IL1RAPL2: variants seen among roughly 807,000 people sequenced by gnomAD.
The protein encoded by IL1RAPL2 is interleukin 1 receptor accessory protein like 2.
Under a neutral mutation model 44.1 loss-of-function variants are expected in IL1RAPL2, and 3 were observed. The observed-to-expected ratio is 0.07, with a 90% CI of 0.03 to 0.18. The LOEUF (loss-of-function observed/expected upper bound fraction) is 0.18, where lower values mean the gene tolerates loss of function less well. IL1RAPL2 is among the 10% of genes least tolerant of loss of function. The pLI is 1.00. For missense variants in IL1RAPL2, 391 were observed against 496.4 expected (o/e 0.79, Z 2.02); for synonymous variants, 181 against 178.8 (o/e 1.01, Z -0.10).
intron 6 of IL1RAPL2, among the ~76,000 whole-genome samples, chrX:105,589,155 T>C (rs2037150357): frequency 8.9e-6 from 1 of 112,532 alleles, no homozygotes; most frequent in African/African-American, 3.2e-5. Flanking sequence ...GAGCATTTTT[T>C]CATATATTTG....
rs141692313 is a variant in IL1RAPL2 at position 105,579,784 on chromosome X, T to C, written c.772+95397T>C. Among the ~76,000 whole-genome samples, 570 of 111,779 alleles carry C rather than the reference T, an allele frequency of 5.1e-3. 4 individuals carry two copies. The highest frequency in any genetic ancestry group is 0.014 in the Middle Eastern group (3 of 215). The stretch of plus-strand genomic sequence containing the variant: ...TTCTGGCTCTATATAATACCACCTA[T>C]TATCCATTAGTCCATATTGCCCCAG... On this transcript the variant is annotated intron_variant, in intron 6 of 10. Coordinates refer to ENST00000372582, the MANE Select transcript of IL1RAPL2 (RefSeq NM_017416.2).
intron 2 of IL1RAPL2, among the ~76,000 whole-genome samples, chrX:105,194,817 C>T (rs1556139721): frequency 9.0e-6 from 1 of 111,616 alleles, no homozygotes; most frequent in Non-Finnish European, 1.9e-5. Context: ...TTGTTATTGT[C>T]ACAATTATAG....
intron 2 of IL1RAPL2, among the ~76,000 whole-genome samples, chrX:104,673,008 G>C (rs1377355828): frequency 2.7e-5 from 3 of 111,565 alleles, no homozygotes; most frequent in African/African-American, 9.8e-5. Context: ...CCCTTTGTCA[G>C]ATGAGTAGGT....
At chrX:105,337,807 T>C (rs1211643821) in intron 5 of IL1RAPL2, among the ~76,000 whole-genome samples, 2 of 110,216 alleles carry the variant, frequency 1.8e-5, no homozygotes, top group East Asian at 2.9e-4. Context: ...AGGAGAATGG[T>C]GTGAACCCAG....
chrX:104,990,494 T>G (rs763058131), intron 2 of IL1RAPL2, among the ~76,000 whole-genome samples: 19 of 111,295 alleles, frequency 1.7e-4, no homozygotes, highest in Non-Finnish European at 3.6e-4. Flanking sequence ...CAATCCTACA[T>G]TCATGCTTCT....
intron 2 of IL1RAPL2, among the ~76,000 whole-genome samples, chrX:105,080,026 A>C (rs1242226172): frequency 8.9e-6 from 1 of 111,878 alleles, no homozygotes; most frequent in Non-Finnish European, 1.9e-5. Context: ...CATATCCTTC[A>C]CCTGATCTTT....
chrX:105,316,048 C>T (rs1271295601), intron 5 of IL1RAPL2, among the ~76,000 whole-genome samples: 7 of 110,781 alleles, frequency 6.3e-5, no homozygotes, highest in East Asian at 2.9e-4. Context: ...CCAAGGACGG[C>T]GGATCACCTG....
chrX:104,927,054 A>G (rs1056415095), intron 2 of IL1RAPL2, among the ~76,000 whole-genome samples: 1 of 112,028 alleles, frequency 8.9e-6, no homozygotes, highest in Non-Finnish European at 1.9e-5. Context: ...ATAAATGAAA[A>G]CATTTACACT....
intron 2 of IL1RAPL2, among the ~76,000 whole-genome samples, chrX:105,119,880 TTAGTA>T (rs1162446733): frequency 9.0e-6 from 1 of 110,803 alleles, no homozygotes; most frequent in Non-Finnish European, 1.9e-5. Context: ...CTATAGTAAT[TTAGTA>T]TAGTAATTAA....
At chrX:104,903,118 C>A (rs1268165942) in intron 2 of IL1RAPL2, among the ~76,000 whole-genome samples, 1 of 111,560 alleles carries the variant, frequency 9.0e-6, no homozygotes, top group Admixed American at 9.6e-5. Flanking sequence ...ATACAATAGC[C>A]AAAACCTTTT....
chrX:104,750,083 G>A (rs1932233905), intron 2 of IL1RAPL2, among the ~76,000 whole-genome samples: 2 of 111,825 alleles, frequency 1.8e-5, no homozygotes, highest in African/African-American at 3.2e-5. Flanking sequence ...AGGCTTGCTC[G>A]CTAGTGCAAG....
At chrX:105,742,858 A>C (rs140617579) in intron 8 of IL1RAPL2, among the ~76,000 whole-genome samples, 1,697 of 111,278 alleles carry the variant, frequency 0.015, 35 homozygotes, top group African/African-American at 0.052. Flanking sequence ...CAGGATTCCT[A>C]ATTTCTCCTG....
chrX:104,838,670 CAG>C (rs754696136), intron 2 of IL1RAPL2, among the ~76,000 whole-genome samples: 8 of 110,205 alleles, frequency 7.3e-5, no homozygotes, highest in Non-Finnish European at 1.3e-4. Context: ...CATCAGTAAA[CAG>C]AGACAATTTG....
rs1362460513 is a variant in IL1RAPL2 at position 105,507,007 on chromosome X, A to C, written c.772+22620A>C. ...TTCCCTCTTTCTTTCAACATTTTCAAGCTAACATTTCAATGAAATATAACT... is the reference window on the plus strand; with the variant it reads ...TTCCCTCTTTCTTTCAACATTTTCACGCTAACATTTCAATGAAATATAACT... On this transcript the variant is annotated intron_variant, in intron 6 of 10. Coordinates refer to ENST00000372582, the MANE Select transcript of IL1RAPL2 (RefSeq NM_017416.2). Among the ~76,000 whole-genome samples, 3 of 111,849 alleles carry C rather than the reference A, an allele frequency of 2.7e-5. No individual in the cohort carries two copies. The East Asian group carries it at 8.5e-4, about 32-fold the overall frequency.
chrX:105,300,544 A>G (rs1244826959), intron 5 of IL1RAPL2, among the ~76,000 whole-genome samples: 1 of 111,367 alleles, frequency 9.0e-6, no homozygotes, highest in Non-Finnish European at 1.9e-5. Flanking sequence ...ATATTTCAGT[A>G]TGATTTTGGG....
chrX:104,629,291 G>T (rs1161652811), intron 1 of IL1RAPL2, among the ~76,000 whole-genome samples: 5 of 111,585 alleles, frequency 4.5e-5, no homozygotes, highest in Non-Finnish European at 9.4e-5. Context: ...GTGTTGAGCA[G>T]TTTTTTTCAT....
At chrX:105,015,498 TAAAGA>T (rs991279116) in intron 2 of IL1RAPL2, among the ~76,000 whole-genome samples, 3 of 112,136 alleles carry the variant, frequency 2.7e-5, no homozygotes, top group Non-Finnish European at 5.6e-5. Context: ...GTATAAGGCG[TAAAGA>T]AGAGAACTAG....
intron 1 of IL1RAPL2, among the ~76,000 whole-genome samples, chrX:104,634,774 C>T (rs1233318508): frequency 1.8e-5 from 2 of 111,802 alleles, no homozygotes; most frequent in Non-Finnish European, 3.8e-5. Context: ...ATACAGCCCA[C>T]TGATGGGTCT....
chrX:105,724,133 G>A (rs1473708727), intron 7 of IL1RAPL2, among the ~76,000 whole-genome samples: 1 of 111,242 alleles, frequency 9.0e-6, no homozygotes, highest in Non-Finnish European at 1.9e-5. Context: ...AATTTCCTGT[G>A]CAGCAGCTTG....
Sources: gnomAD v4.1 joint callset for allele counts (sites outside exome capture counted in the v4.1 genomes callset) on GRCh38, gnomAD v4.1.1 for gene constraint, MANE v1.5 for transcripts, NCBI Gene and HGNC (gene_info 2026-07-23, HGNC 2026-07-21) for gene names.